Variants in DDR2 observed in about 807,000 individuals in gnomAD.
DDR2 encodes discoidin domain-containing receptor 2.
A neutral mutation model predicts 94.9 loss-of-function variants in DDR2; 27 were observed. The ratio of observed to expected loss-of-function variants is 0.28; its 90% CI spans 0.21 to 0.39. DDR2 has a LOEUF of 0.39. DDR2 is among the 10% of genes least tolerant of loss of function. The pLI, the probability that DDR2 is intolerant of heterozygous loss-of-function variation, is 1.00. For synonymous variants in DDR2, 382 were observed against 377.2 expected (o/e 1.01, Z -0.15); for missense variants, 783 against 1,076.0 (o/e 0.73, Z 3.81).
At chr1:162,649,614 A>G (rs1657586500) in intron 1 of DDR2, among the ~76,000 whole-genome samples, 6 of 152,230 alleles carry the variant, frequency 3.9e-5, no homozygotes, top group Admixed American at 3.9e-4. Flanking sequence ...CTGGTGGTGG[A>G]GGCAGTGGTA....
At position 162,761,312 on chromosome 1, in the gene DDR2, C is replaced by T. The variant is rs2102155392; in HGVS notation, c.957C>T (p.Ser319=). The change falls in exon 9 of 18, where the codon TCC becomes TCT. Residue 319 remains serine, a synonymous_variant. Transcript: ENST00000367921. ...GTGAGTGGGAACCTAATGCCATTTCCTTCCCCCTTGTCCTGGATGACGTCA... is the reference window on the plus strand; with the variant it reads ...GTGAGTGGGAACCTAATGCCATTTCTTTCCCCCTTGTCCTGGATGACGTCA... ...EASEWEPNAI[S]FPLVLDDVNP... 6.2e-7 allele frequency: 1 copy of T among 1,614,184 alleles called. No homozygotes were observed. Among genetic ancestry groups the T allele is most frequent in the African/African-American group, 1.3e-5 (1 of 75,042 alleles).
intron 3 of DDR2, among the ~76,000 whole-genome samples, chr1:162,746,177 T>C (rs1448007330): frequency 1.3e-5 from 2 of 152,180 alleles, no homozygotes; most frequent in Non-Finnish European, 2.9e-5. Flanking sequence ...GGGCATCGCC[T>C]CACCCAGGAA....
At chr1:162,747,304 A>C (rs949426852) in intron 3 of DDR2, among the ~76,000 whole-genome samples, 1 of 152,222 alleles carries the variant, frequency 6.6e-6, no homozygotes, top group African/African-American at 2.4e-5. Flanking sequence ...AACTAGAATA[A>C]ACAGTGTAGA....
intron 16 of DDR2, among the ~76,000 whole-genome samples, chr1:162,776,734 T>C (rs1007935397): frequency 6.6e-6 from 1 of 152,236 alleles, no homozygotes; most frequent in Non-Finnish European, 1.5e-5. Flanking sequence ...TTCATAAGCA[T>C]GTTTCTCATA....
intron 1 of DDR2, among the ~76,000 whole-genome samples, chr1:162,654,787 C>T (rs1657876553): frequency 6.6e-6 from 1 of 152,108 alleles, no homozygotes; most frequent in South Asian, 2.1e-4. Flanking sequence ...TGTGCCATTG[C>T]AGCACATTGA....
chr1:162,774,380 T>C (rs1285269751), intron 14 of DDR2, among the ~76,000 whole-genome samples: 1 of 152,180 alleles, frequency 6.6e-6, no homozygotes, highest in African/African-American at 2.4e-5. Context: ...ATATTCATAG[T>C]GAAAAAAAGT....
intron 2 of DDR2, among the ~76,000 whole-genome samples, chr1:162,698,506 T>C (rs956444117): frequency 6.6e-6 from 1 of 152,168 alleles, no homozygotes; most frequent in Non-Finnish European, 1.5e-5. Context: ...CTTTATTTTT[T>C]ACTTCTGGAT....
At chr1:162,686,143 A>G (rs60803893) in intron 2 of DDR2, among the ~76,000 whole-genome samples, 6,702 of 152,036 alleles carry the variant, frequency 0.044, 226 homozygotes, top group East Asian at 0.14. Flanking sequence ...CTCCTACTTT[A>G]TCCTCTGGAG....
chr1:162,732,893 T>C (rs1454893071), intron 3 of DDR2, among the ~76,000 whole-genome samples: 2 of 152,230 alleles, frequency 1.3e-5, no homozygotes, highest in Non-Finnish European at 2.9e-5. Context: ...CTTGGGAAGC[T>C]GGGGACTGGT....
chr1:162,672,118 C>T (rs547273550), intron 2 of DDR2, among the ~76,000 whole-genome samples: 1 of 152,330 alleles, frequency 6.6e-6, no homozygotes, highest in South Asian at 2.1e-4. Flanking sequence ...CTTCAGTGGA[C>T]CACTGCTGGG....
intron 1 of DDR2, among the ~76,000 whole-genome samples, chr1:162,654,858 T>C (rs1372935546): frequency 1.3e-5 from 2 of 152,198 alleles, no homozygotes; most frequent in Non-Finnish European, 2.9e-5. Context: ...TAAGAGATTT[T>C]AAAAAATGTA....
At chr1:162,769,962 A>G (rs1210950057) in intron 11 of DDR2, among the ~76,000 whole-genome samples, 1 of 152,238 alleles carries the variant, frequency 6.6e-6, no homozygotes, top group Admixed American at 6.5e-5. Flanking sequence ...AAAACCCATC[A>G]TTTAATAAAA....
At chr1:162,631,136 C>A (rs1315604445), upstream of DDR2, among the ~76,000 whole-genome samples, 3 of 151,180 alleles carry the variant, frequency 2.0e-5, no homozygotes, top group African/African-American at 7.3e-5. Context: ...CTTTTAGGGA[C>A]TTAACACTGA....
intron 1 of DDR2, among the ~76,000 whole-genome samples, chr1:162,651,316 C>T (rs1031710078): frequency 1.3e-5 from 2 of 152,190 alleles, no homozygotes; most frequent in Non-Finnish European, 2.9e-5. Flanking sequence ...CCTGTCCTCC[C>T]ACCAACTATT....
Position 162,677,342 on chromosome 1 carries a change from A to G in DDR2, c.-28+21968A>G, listed in dbSNP as rs536676352. On this transcript the variant is annotated intron_variant, in intron 2 of 17. Transcript: ENST00000367921. ...GGGTTTACTGTGGAAGACTTAGTCAAGAGGGCAAGTACCCTATATCTCCAG... is the reference window on the plus strand; with the variant it reads ...GGGTTTACTGTGGAAGACTTAGTCAGGAGGGCAAGTACCCTATATCTCCAG... Among the ~76,000 whole-genome samples the G allele has an allele frequency of 2.6e-5, 4 of 152,336 alleles. No individual in the cohort carries two copies. In the South Asian group the frequency reaches 8.3e-4, roughly 32 times the overall value.
chr1:162,728,219 T>C, intron 3 of DDR2, among the ~76,000 whole-genome samples: 1 of 146,106 alleles, frequency 6.8e-6, no homozygotes, highest in African/African-American at 2.5e-5. Flanking sequence ...TATATATATA[T>C]AGATAGATAT....
Position 162,650,141 on chromosome 1 carries a change from A to G in DDR2, c.-191-5070A>G, listed in dbSNP as rs564188512. Among the ~76,000 whole-genome samples the G allele has an allele frequency of 7.9e-5, 12 of 152,278 alleles. No individual in the cohort carries two copies. The East Asian group carries it at 2.3e-3, about 29-fold the overall frequency. On this transcript the variant is annotated intron_variant, in intron 1 of 17. Transcript: ENST00000367921. ...TTAATTATTGCATTTATGTAGTTGA[A>G]GTTCAAATGTGGATCTCTAAGACCA...
rs1647722911 is a variant in DDR2 at position 162,778,689 on chromosome 1, T to C, written c.2393T>C (p.Ile798Thr). ...TCCCAGCTGTCAGATGAACAGGTTA[T>C]TGAGAATACTGGAGAGTTCTTCCGA... ...PYSQLSDEQV[I>T]ENTGEFFRDQ... The change falls in exon 17 of 18, where the codon ATT becomes ACT. Residue 798 changes from isoleucine to threonine, a missense_variant. Physicochemically the swap from Ile to Thr is moderately conservative, Grantham distance 89. This residue lies in a region of DDR2 where 264 missense variants were observed against 428.2 expected (regional missense o/e 0.62). Transcript: ENST00000367921. 1 of 1,613,866 alleles carries C rather than the reference T, an allele frequency of 6.2e-7. No individual in the cohort carries two copies.
At chr1:162,692,936 T>C (rs1660021739) in intron 2 of DDR2, among the ~76,000 whole-genome samples, 3 of 152,154 alleles carry the variant, frequency 2.0e-5, no homozygotes, top group East Asian at 1.9e-4. Flanking sequence ...CATTCATCAA[T>C]AGTAAAAAAT....
Sources: allele counts gnomAD v4.1 joint callset (sites outside exome capture counted in the v4.1 genomes callset), GRCh38; gene constraint gnomAD v4.1.1; regional missense constraint gnomAD v4.1.1; transcripts MANE v1.5; gene names NCBI Gene and HGNC (gene_info 2026-07-23, HGNC 2026-07-21).